The following LEMD3 variants were observed in gnomAD, a reference collection of about 807,000 sequenced individuals.
LEMD3 encodes inner nuclear membrane protein Man1.
Under a neutral mutation model 95.2 loss-of-function variants are expected in LEMD3, and 33 were observed. The observed-to-expected ratio is 0.35, with a 90% CI of 0.26 to 0.46. LEMD3 has a LOEUF of 0.46. Among genes scored for constraint, LEMD3 ranks in the 20% least tolerant of loss-of-function variants. The probability of loss-of-function intolerance (pLI) is 1.00; values close to 1 mark genes in which losing one functional copy is unlikely to be tolerated. For missense variants in LEMD3, 1,210 were observed against 1,192.8 expected (o/e 1.01, Z -0.21); for synonymous variants, 525 against 474.6 (o/e 1.11, Z -1.38).
chr12:65,193,333 G>A (rs1458297468), intron 1 of LEMD3, among the ~76,000 whole-genome samples: 1 of 152,098 alleles, frequency 6.6e-6, no homozygotes, highest in Non-Finnish European at 1.5e-5. Context: ...GTTTTATATG[G>A]TGGCATGCTT....
In LEMD3 at chr12:65,246,419, T is replaced by C; in HGVS notation, c.*94T>C. On this transcript the variant is annotated 3_prime_UTR_variant, in exon 13 of 13. Transcript: ENST00000308330. ...CTTTTTAAATGCTTTTTGTATGTAA[T>C]ATTTTTATTGATGAATACATCTCTG... 6.0e-6 allele frequency: 6 copies of C among 999,690 alleles called. No homozygotes were observed. Among genetic ancestry groups the C allele is most frequent in the Non-Finnish European group, 9.5e-6 (6 of 634,806 alleles). 61.9% of individuals were successfully genotyped at this position (999,690 alleles called of 1,614,324 possible).
At chr12:65,195,925 G>T (rs1565785117) in intron 1 of LEMD3, among the ~76,000 whole-genome samples, 2 of 152,072 alleles carry the variant, frequency 1.3e-5, no homozygotes, top group Non-Finnish European at 2.9e-5. Flanking sequence ...AGACTAATTT[G>T]GCTAGAAGGA....
chr12:65,170,205 G>T lies in LEMD3; in HGVS notation c.609G>T (p.Ala203=). 2 of 1,496,294 alleles carry T rather than the reference G, an allele frequency of 1.3e-6. No homozygotes were observed. Among genetic ancestry groups the T allele is most frequent in the East Asian group, 2.4e-5 (1 of 41,798 alleles). The allele number at this position is 1,496,294 out of a possible 1,614,324, so 92.7% of individuals were successfully genotyped here. The change falls in exon 1 of 13, where the codon GCG becomes GCT. Residue 203 remains alanine (A), a synonymous_variant. Transcript: ENST00000308330. ...CGTGGTGGGGGGCCAGGAGGCCGGC[G>T]GGCCCCGAGCTGCAGACCCCGCCGG... The part of the protein sequence containing the change: ...PHSWWGARRP[A]GPELQTPPGK...
At chr12:65,191,234 C>T (rs564593533) in intron 1 of LEMD3, among the ~76,000 whole-genome samples, 20 of 152,096 alleles carry the variant, frequency 1.3e-4, no homozygotes, top group African/African-American at 4.1e-4. Flanking sequence ...ATTATAGTTG[C>T]TTGCAAAAGC....
chr12:65,239,516 C>T (rs1354921009), intron 6 of LEMD3, among the ~76,000 whole-genome samples: 1 of 152,054 alleles, frequency 6.6e-6, no homozygotes, highest in Non-Finnish European at 1.5e-5. Context: ...CTACTGCCCT[C>T]CAGCCTGGAT....
chr12:65,190,648 C>G (rs778189208), intron 1 of LEMD3, among the ~76,000 whole-genome samples: 3 of 152,128 alleles, frequency 2.0e-5, no homozygotes, highest in Non-Finnish European at 4.4e-5. Flanking sequence ...TTATGTCTCC[C>G]TAAAATGTAT....
At chr12:65,173,723 G>T (rs1385995916) in intron 1 of LEMD3, among the ~76,000 whole-genome samples, 2 of 152,122 alleles carry the variant, frequency 1.3e-5, no homozygotes, top group East Asian at 3.8e-4. Flanking sequence ...AAATGACATA[G>T]TATAGTGCAT....
At chr12:65,201,184 C>T (rs908285321) in intron 1 of LEMD3, among the ~76,000 whole-genome samples, 1 of 152,166 alleles carries the variant, frequency 6.6e-6, no homozygotes, top group Non-Finnish European at 1.5e-5. Flanking sequence ...CAATACCACA[C>T]TGTCTAGATT....
chr12:65,222,514 T>C (rs1870321542), intron 4 of LEMD3, among the ~76,000 whole-genome samples: 1 of 152,198 alleles, frequency 6.6e-6, no homozygotes, highest in Non-Finnish European at 1.5e-5. Context: ...TTAATTCTTC[T>C]TTAATAAAAT....
At chr12:65,220,631 G>T (rs1870255582) in intron 4 of LEMD3, among the ~76,000 whole-genome samples, 1 of 152,156 alleles carries the variant, frequency 6.6e-6, no homozygotes, top group Admixed American at 6.6e-5. Flanking sequence ...TCATGTCCAA[G>T]AAATTATTGC....
Position 65,240,230 on chromosome 12 carries a change from T to C in LEMD3, c.2118T>C (p.Pro706=). 6.2e-7 allele frequency: 1 copy of C among 1,607,426 alleles called. No individual in the cohort carries two copies. The highest frequency in any genetic ancestry group is 1.1e-5 in the South Asian group (1 of 90,942). Reference sequence around the variant, plus strand: ...ATGTACGCGATTCCTTAATACAGCCTCATGACAGGTGTGTTCAAAGCATTA... The same window carrying C: ...ATGTACGCGATTCCTTAATACAGCCCCATGACAGGTGTGTTCAAAGCATTA... ...IPHVRDSLIQ[P]HDRKKMKKVW... The change falls in exon 8 of 13, where the codon CCT becomes CCC. Residue 706 remains proline (P), a synonymous_variant. Coordinates refer to ENST00000308330, the MANE Select transcript of LEMD3 (RefSeq NM_014319.5).
chr12:65,171,084 A>C lies in LEMD3; in HGVS notation c.1488A>C (p.Arg496Ser). 1 of 1,613,568 alleles carries C rather than the reference A, an allele frequency of 6.2e-7. No homozygotes were observed. The highest frequency in any genetic ancestry group is 8.5e-7 in the Non-Finnish European group (1 of 1,180,022). ...TGGGACTGACTTACCTAGGAATGAG[A>C]GGGACAGGAGTATCTGAGGATGGAG... ...LILGLTYLGM[R>S]GTGVSEDGEL... The change falls in exon 1 of 13, where the codon AGA becomes AGC. Residue 496 changes from arginine (R) to serine (S), a missense_variant. Around this residue, in one of 2 missense-constraint regions of LEMD3, gnomAD observed 461 missense variants for 569.8 expected, o/e 0.81. Coordinates refer to ENST00000308330, the MANE Select transcript of LEMD3 (RefSeq NM_014319.5).
rs917533959 is a variant in LEMD3, at chr12:65,170,228, C to T, written c.632C>T (p.Pro211Leu). ...GCGGGCCCCGAGCTGCAGACCCCGCCGGGGAAAGATGGAGCAGTGGAGGAC... is the reference window on the plus strand; with the variant it reads ...GCGGGCCCCGAGCTGCAGACCCCGCTGGGGAAAGATGGAGCAGTGGAGGAC... ...RPAGPELQTP[P>L]GKDGAVEDEE... Residue 211 changes from proline to leucine, a missense_variant, in exon 1 of 13, where the codon CCG becomes CTG. Pro to Leu is a moderately conservative substitution (Grantham distance 98). Coordinates refer to ENST00000308330, the MANE Select transcript of LEMD3 (RefSeq NM_014319.5). The T allele has an allele frequency of 2.6e-6, 4 of 1,515,336 alleles. No individual in the cohort carries two copies. Among genetic ancestry groups the T allele is most frequent in the African/African-American group, 2.8e-5 (2 of 72,314 alleles). The allele number at this position is 1,515,336 out of a possible 1,614,324, so 93.9% of individuals were successfully genotyped here.
intron 4 of LEMD3, among the ~76,000 whole-genome samples, chr12:65,235,662 A>G (rs560054327): frequency 6.6e-6 from 1 of 152,322 alleles, no homozygotes; most frequent in African/African-American, 2.4e-5. Context: ...TGCAAATACT[A>G]TGCAATTTTA....
intron 8 of LEMD3, 199 bp downstream of exon 8, chr12:65,240,437 G>T: frequency 1.8e-6 from 1 of 556,542 alleles, no homozygotes; most frequent in Non-Finnish European, 3.2e-6. Flanking sequence ...AGTGACACCT[G>T]GATTTCTAAG....
At chr12:65,219,304 T>C (rs1870209810) in intron 4 of LEMD3, among the ~76,000 whole-genome samples, 1 of 152,204 alleles carries the variant, frequency 6.6e-6, no homozygotes, top group African/African-American at 2.4e-5. Flanking sequence ...TCTAAACTAC[T>C]GTAAATAATT....
intron 1 of LEMD3, 95 bp from the exon 2 acceptor site, chr12:65,210,831 T>C: frequency 1.1e-6 from 1 of 947,298 alleles, no homozygotes; most frequent in South Asian, 1.3e-5. Context: ...ATATCCAGTT[T>C]TAGCAAAGTA....
intron 10 of LEMD3, 152 bp from the exon 11 acceptor site, chr12:65,245,517 T>TATTTTTCC (rs1311250770): frequency 1.5e-6 from 1 of 650,192 alleles, no homozygotes; most frequent in African/African-American, 1.8e-5. Flanking sequence ...TACCTCCTGT[T>TATTTTTCC]AGTCAACAAG....
intron 4 of LEMD3, among the ~76,000 whole-genome samples, chr12:65,236,259 G>A (rs1392020783): frequency 6.6e-6 from 1 of 151,756 alleles, no homozygotes; most frequent in Non-Finnish European, 1.5e-5. Context: ...TTTCCTCTAC[G>A]AGCCAGGCAC....
Sources: gnomAD v4.1 joint callset for allele counts (sites outside exome capture counted in the v4.1 genomes callset) on GRCh38, gnomAD v4.1.1 for gene constraint, gnomAD v4.1.1 regional missense constraint, MANE v1.5 for transcripts, NCBI Gene and HGNC (gene_info 2026-07-23, HGNC 2026-07-21) for gene names.